SMIM14: variants seen among roughly 807,000 people sequenced by gnomAD.
SMIM14 encodes the protein chromosome 4 open reading frame 34.
In SMIM14, 5 loss-of-function variants were observed where a neutral mutation model predicts 12.6. The ratio of observed to expected loss-of-function variants is 0.40; its 90% CI spans 0.21 to 0.83. The LOEUF is 0.83. SMIM14 is among the 40% of genes least tolerant of loss of function. The probability of loss-of-function intolerance (pLI) is 0.37; values close to 1 mark genes in which losing one functional copy is unlikely to be tolerated. For missense variants in SMIM14, 86 were observed against 119.1 expected (o/e 0.72, Z 1.29); for synonymous variants, 30 against 40.1 (o/e 0.75, Z 0.95).
At chr4:39,600,015 G>C (rs2110051735) in intron 2 of SMIM14, among the ~76,000 whole-genome samples, 1 of 152,014 alleles carries the variant, frequency 6.6e-6, no homozygotes, top group South Asian at 2.1e-4. Flanking sequence ...TAAGCTTAGG[G>C]GCAAGATAAA....
At position 39,565,609 on chromosome 4, in the gene SMIM14, C is replaced by T. The variant is rs543835081; in HGVS notation, c.124+6806G>A. On this transcript the variant is annotated intron_variant, in intron 3 of 4. Transcript: ENST00000295958. ...AAAATGGGATTACAAGTGTGATCCA[C>T]TGTGCCCAGACACCACTGAAGAGTT... Among the ~76,000 whole-genome samples the T allele has an allele frequency of 3.3e-5, 5 of 152,296 alleles. No homozygotes were observed. The South Asian group carries it at 1.0e-3, about 32-fold the overall frequency.
chr4:39,597,745 G>A (rs1263804924), intron 2 of SMIM14, among the ~76,000 whole-genome samples: 1 of 152,116 alleles, frequency 6.6e-6, no homozygotes, highest in Non-Finnish European at 1.5e-5. Context: ...CTATTAGTAA[G>A]TATTTACTTC....
chr4:39,620,536 A>G (rs1175476914), intron 1 of SMIM14, among the ~76,000 whole-genome samples: 1 of 152,114 alleles, frequency 6.6e-6, no homozygotes, highest in Non-Finnish European at 1.5e-5. Flanking sequence ...AGGTCTTGCT[A>G]TGTTGCCCAG....
At chr4:39,556,314 T>C in intron 4 of SMIM14, 114 bp downstream of exon 4, 1 of 950,472 alleles carries the variant, frequency 1.1e-6, no homozygotes, top group Middle Eastern at 2.2e-4. Flanking sequence ...GAATACTCTA[T>C]GAGTTAAATA....
At chr4:39,583,118 T>C (rs1179489361) in intron 2 of SMIM14, among the ~76,000 whole-genome samples, 6 of 152,070 alleles carry the variant, frequency 3.9e-5, no homozygotes, top group South Asian at 4.1e-4. Flanking sequence ...AGACAGGGTG[T>C]CACTCTGTTG....
At chr4:39,595,196 C>A (rs1005631719) in intron 2 of SMIM14, among the ~76,000 whole-genome samples, 1 of 149,990 alleles carries the variant, frequency 6.7e-6, no homozygotes, top group African/African-American at 2.5e-5. Flanking sequence ...AAACGTGGCA[C>A]ATATACACCA....
chr4:39,599,610 C>T (rs1714518004), intron 2 of SMIM14, among the ~76,000 whole-genome samples: 1 of 152,064 alleles, frequency 6.6e-6, no homozygotes, highest in Admixed American at 6.6e-5. Context: ...AAGGATGGTT[C>T]TGCATCAGAT....
chr4:39,556,519 G>T lies in SMIM14; in HGVS notation c.176C>A (p.Ala59Asp), dbSNP rs764575364. The T allele has an allele frequency of 6.2e-7, 1 of 1,613,850 alleles. No homozygotes were observed. Among genetic ancestry groups the T allele is most frequent in the Non-Finnish European group, 8.5e-7 (1 of 1,179,946 alleles). ...CAAGATCAATGCAATAACCATCCAG[G>T]CTACCAAGATCATTGTAACACTGAT... ...NGISVTMILV[A>D]WMVIALILFL... The change falls in exon 4 of 5, where the codon GCC becomes GAC. Residue 59 changes from alanine to aspartate, a missense_variant. Coordinates refer to ENST00000295958, the MANE Select transcript of SMIM14 (RefSeq NM_174921.3).
At chr4:39,613,814 A>AAGTCTTG (rs1715118585) in intron 1 of SMIM14, among the ~76,000 whole-genome samples, 1 of 152,212 alleles carries the variant, frequency 6.6e-6, no homozygotes, top group South Asian at 2.1e-4. Context: ...CCTTGAGGAC[A>AAGTCTTG]AGCAGCTTCA....
At chr4:39,581,694 C>T (rs1175999333) in intron 2 of SMIM14, among the ~76,000 whole-genome samples, 1 of 149,328 alleles carries the variant, frequency 6.7e-6, no homozygotes, top group Admixed American at 6.7e-5. Flanking sequence ...ACAGGAGTAG[C>T]TCGAACCTCA....
chr4:39,571,661 G>A (rs1409187580), intron 3 of SMIM14, among the ~76,000 whole-genome samples: 1 of 152,154 alleles, frequency 6.6e-6, no homozygotes, highest in Non-Finnish European at 1.5e-5. Flanking sequence ...TAGGGAGAGA[G>A]TGAATGGTTT....
chr4:39,605,296 T>TA, intron 1 of SMIM14, 116 bp from the exon 2 acceptor site: 3 of 540,180 alleles, frequency 5.6e-6, no homozygotes, highest in Non-Finnish European at 9.6e-6. Context: ...ATGTATAGTT[T>TA]GTATTTATTG....
At chr4:39,631,967 G>A (rs554294928) in intron 1 of SMIM14, among the ~76,000 whole-genome samples, 1 of 151,194 alleles carries the variant, frequency 6.6e-6, no homozygotes, top group African/African-American at 2.4e-5. Flanking sequence ...GCAATAAGAA[G>A]GTAACTTTCT....
At chr4:39,620,885 G>A (rs1715461277) in intron 1 of SMIM14, 1 of 152,108 alleles carries the variant, frequency 6.6e-6, no homozygotes, top group African/African-American at 2.4e-5. Context: ...CAGCAAATCA[G>A]ATTATAGAAT....
intron 4 of SMIM14, among the ~76,000 whole-genome samples, chr4:39,555,079 G>T (rs549181574): frequency 6.6e-6 from 1 of 151,582 alleles, no homozygotes; most frequent in South Asian, 2.1e-4. Flanking sequence ...CAGGTGATCC[G>T]CCCATCTTGG....
chr4:39,566,127 G>C (rs1208053640), intron 3 of SMIM14, among the ~76,000 whole-genome samples: 2 of 150,814 alleles, frequency 1.3e-5, no homozygotes, highest in African/African-American at 4.9e-5. Flanking sequence ...CATACGAGAT[G>C]ATGATGGCCT....
At chr4:39,567,513 C>T (rs6824250) in intron 3 of SMIM14, among the ~76,000 whole-genome samples, 51,467 of 151,708 alleles carry the variant, frequency 0.34, 10,789 homozygotes, top group African/African-American at 0.56. Flanking sequence ...TTGAGGTGGG[C>T]GGATCACGAG....
intron 2 of SMIM14, among the ~76,000 whole-genome samples, chr4:39,576,674 ATATATATATATTTTTTTTTT>A (rs1560289684): frequency 3.5e-5 from 1 of 28,216 alleles, no homozygotes; most frequent in East Asian, 1.4e-3. Flanking sequence ...ATATATATAT[ATATATATATATTTTTTTTTT>A]TTTTTTTTTT....
intron 2 of SMIM14, among the ~76,000 whole-genome samples, chr4:39,597,998 T>A (rs997057696): frequency 1.1e-4 from 16 of 152,358 alleles, no homozygotes; most frequent in Admixed American, 9.8e-4. Flanking sequence ...AAGTGTTTTT[T>A]CTCTTCCTTC....
Sources: gnomAD v4.1 joint callset for allele counts (sites outside exome capture counted in the v4.1 genomes callset) on GRCh38, gnomAD v4.1.1 for gene constraint, MANE v1.5 for transcripts, NCBI Gene and HGNC (gene_info 2026-07-23, HGNC 2026-07-21) for gene names.